The following NEGR1 variants were observed in gnomAD, a reference collection of about 807,000 sequenced individuals.
NEGR1 encodes neuronal growth regulator 1, also known as IgLON family member 4.
In NEGR1, 10 loss-of-function variants were observed where a neutral mutation model predicts 40.9. The ratio of observed to expected loss-of-function variants is 0.24; its 90% CI spans 0.15 to 0.42. The LOEUF (loss-of-function observed/expected upper bound fraction) is 0.42, where lower values mean the gene tolerates loss of function less well. Ranked by LOEUF, NEGR1 falls within the 10% of genes least tolerant of loss-of-function variation. The probability of loss-of-function intolerance (pLI) is 1.00; values close to 1 mark genes in which losing one functional copy is unlikely to be tolerated. For missense variants in NEGR1, 352 were observed against 438.9 expected, an observed-to-expected ratio of 0.80 and a Z score of 1.77; for synonymous variants, 185 against 166.8, an observed-to-expected ratio of 1.11 and a Z score of -0.84.
At position 72,060,196 on chromosome 1, in the gene NEGR1, T is replaced by C. The variant is rs367799852; in HGVS notation, c.177-124885A>G. On this transcript the variant is annotated intron_variant, in intron 1 of 6. Transcript: ENST00000357731. Reference sequence around the variant, plus strand: ...CTCAAGCTTTCTACCTCCAAGATTATGAACCTATCTTGATTTTTTTCCCTC... The same window carrying C: ...CTCAAGCTTTCTACCTCCAAGATTACGAACCTATCTTGATTTTTTTCCCTC... Among the ~76,000 whole-genome samples, 24 of 151,806 alleles carry C rather than the reference T, an allele frequency of 1.6e-4. No homozygotes were observed. In the South Asian group the frequency reaches 4.1e-3, roughly 26 times the overall value.
intron 1 of NEGR1, among the ~76,000 whole-genome samples, chr1:72,237,470 C>T (rs1235049577): frequency 2.0e-5 from 3 of 152,004 alleles, no homozygotes; most frequent in Non-Finnish European, 2.9e-5. Flanking sequence ...TTTCCTAGTT[C>T]GTAGGCCATT....
intron 1 of NEGR1, among the ~76,000 whole-genome samples, chr1:72,104,990 A>T (rs954841160): frequency 1.3e-5 from 2 of 152,072 alleles, no homozygotes; most frequent in Admixed American, 1.3e-4. Context: ...ATGGAGCCAG[A>T]CCCCATTCAC....
intron 6 of NEGR1, among the ~76,000 whole-genome samples, chr1:71,412,455 T>G (rs1286215313): frequency 2.6e-5 from 4 of 152,204 alleles, no homozygotes; most frequent in African/African-American, 9.6e-5. Context: ...TAGTTATATA[T>G]ATGTGATATA....
intron 1 of NEGR1, among the ~76,000 whole-genome samples, chr1:72,163,389 T>C (rs1476257175): frequency 3.3e-5 from 5 of 152,142 alleles, no homozygotes; most frequent in African/African-American, 9.7e-5. Context: ...CTGATGTTAT[T>C]TTTTGCTTTT....
chr1:71,952,300 G>T (rs1646077729), intron 1 of NEGR1, among the ~76,000 whole-genome samples: 1 of 151,948 alleles, frequency 6.6e-6, no homozygotes. Context: ...GTGAACATAT[G>T]AATGATAAGA....
intron 2 of NEGR1, among the ~76,000 whole-genome samples, chr1:71,821,716 C>T (rs964592702): frequency 6.6e-6 from 1 of 151,950 alleles, no homozygotes; most frequent in Non-Finnish European, 1.5e-5. Flanking sequence ...CCTCTACGGA[C>T]CTGTAGACAT....
chr1:71,560,750 T>C (rs1047432092), intron 6 of NEGR1, among the ~76,000 whole-genome samples: 3 of 151,378 alleles, frequency 2.0e-5, no homozygotes, highest in African/African-American at 7.3e-5. Flanking sequence ...AGAAAGGATG[T>C]ATGATATCCT....
chr1:71,948,907 G>A (rs1646044670), intron 1 of NEGR1, among the ~76,000 whole-genome samples: 1 of 151,930 alleles, frequency 6.6e-6, no homozygotes, highest in African/African-American at 2.4e-5. Flanking sequence ...CATCTCTCAA[G>A]GTCAGAATTT....
intron 3 of NEGR1, among the ~76,000 whole-genome samples, chr1:71,751,878 G>T (rs1655581761): frequency 6.6e-6 from 1 of 152,174 alleles, no homozygotes; most frequent in Non-Finnish European, 1.5e-5. Flanking sequence ...TATATGTGGA[G>T]GACATTATGT....
intron 6 of NEGR1, among the ~76,000 whole-genome samples, chr1:71,559,835 TAAAA>T (rs35685892): frequency 2.0e-5 from 3 of 148,366 alleles, no homozygotes; most frequent in Admixed American, 6.8e-5. Flanking sequence ...ATCATTCTGG[TAAAA>T]AAAAAAAAAA....
chr1:71,595,717 G>T (rs1432350532), intron 5 of NEGR1, among the ~76,000 whole-genome samples: 1 of 152,080 alleles, frequency 6.6e-6, no homozygotes, highest in Non-Finnish European at 1.5e-5. Context: ...ACATAAACAG[G>T]TGTTTACAAC....
chr1:71,730,150 T>G (rs1212699289), intron 3 of NEGR1, among the ~76,000 whole-genome samples: 1 of 151,914 alleles, frequency 6.6e-6, no homozygotes, highest in Non-Finnish European at 1.5e-5. Context: ...ACAAACAACC[T>G]TGAGTCATTA....
chr1:71,888,385 C>T (rs1039937698), intron 2 of NEGR1, among the ~76,000 whole-genome samples: 25 of 151,764 alleles, frequency 1.6e-4, no homozygotes, highest in Admixed American at 1.2e-3. Context: ...CTAAGCAGGG[C>T]GAGGCATTGC....
intron 6 of NEGR1, among the ~76,000 whole-genome samples, chr1:71,528,960 T>C (rs768872235): frequency 2.7e-4 from 41 of 151,280 alleles, no homozygotes; most frequent in Non-Finnish European, 4.9e-4. Context: ...TTGACTTTTT[T>C]TGGTTTATTT....
At chr1:72,173,666 C>T (rs1317707067) in intron 1 of NEGR1, among the ~76,000 whole-genome samples, 1 of 151,978 alleles carries the variant, frequency 6.6e-6, no homozygotes, top group African/African-American at 2.4e-5. Flanking sequence ...TGAAGACCGA[C>T]ATGGTGGCTC....
intron 1 of NEGR1, among the ~76,000 whole-genome samples, chr1:72,103,670 T>G (rs1220814155): frequency 6.6e-6 from 1 of 152,108 alleles, no homozygotes; most frequent in Non-Finnish European, 1.5e-5. Flanking sequence ...ATATTTACAA[T>G]AAGATATGAG....
chr1:71,524,240 C>A (rs550215955), intron 6 of NEGR1, among the ~76,000 whole-genome samples: 1 of 150,870 alleles, frequency 6.6e-6, no homozygotes, highest in African/African-American at 2.4e-5. Flanking sequence ...GTTATAGATG[C>A]CTTCTCTAAC....
intron 4 of NEGR1, among the ~76,000 whole-genome samples, chr1:71,613,711 T>C (rs1034402651): frequency 1.3e-5 from 2 of 152,180 alleles, no homozygotes; most frequent in Middle Eastern, 3.4e-3. Flanking sequence ...TGCATGCGTC[T>C]TTTCATAAAT....
chr1:71,485,012 T>C (rs940460630), intron 6 of NEGR1, among the ~76,000 whole-genome samples: 1 of 151,718 alleles, frequency 6.6e-6, no homozygotes, highest in Non-Finnish European at 1.5e-5. Flanking sequence ...GAGGTTTTTT[T>C]GGCTAATAAA....
Sources: allele counts gnomAD v4.1 joint callset (sites outside exome capture counted in the v4.1 genomes callset), GRCh38; gene constraint gnomAD v4.1.1; transcripts MANE v1.5; gene names NCBI Gene and HGNC (gene_info 2026-07-23, HGNC 2026-07-21).